The following PRKN variants were observed in gnomAD, a reference collection of about 807,000 sequenced individuals.
The protein encoded by PRKN is parkin RBR E3 ubiquitin protein ligase.
In PRKN, 56 loss-of-function variants were observed where a neutral mutation model predicts 59.5. The ratio of observed to expected loss-of-function variants is 0.94; its 90% CI spans 0.76 to 1.18. The LOEUF (loss-of-function observed/expected upper bound fraction) is 1.18. Among genes scored for constraint, PRKN ranks in the 50% most tolerant of loss-of-function variants. The probability of loss-of-function intolerance (pLI) is 0.00; values close to 1 mark genes in which losing one functional copy is unlikely to be tolerated. For missense variants in PRKN, 657 were observed against 596.4 expected (o/e 1.10, Z -1.06); for synonymous variants, 250 against 222.1 (o/e 1.13, Z -1.12).
intron 2 of PRKN, among the ~76,000 whole-genome samples, chr6:162,429,275 T>C (rs1273684767): frequency 6.6e-6 from 1 of 152,156 alleles, no homozygotes; most frequent in Non-Finnish European, 1.5e-5. Context: ...GGCTTTTATC[T>C]TCATGGCACT....
intron 6 of PRKN, among the ~76,000 whole-genome samples, chr6:161,957,047 A>G (rs1032498943): frequency 4.6e-5 from 7 of 152,220 alleles, no homozygotes; most frequent in Non-Finnish European, 7.3e-5. Context: ...ACCAGCCATC[A>G]TCACTCAAGT....
intron 2 of PRKN, among the ~76,000 whole-genome samples, chr6:162,330,944 G>C (rs1439203050): frequency 1.3e-5 from 2 of 152,062 alleles, no homozygotes; most frequent in Non-Finnish European, 2.9e-5. Context: ...AGACCCCAGG[G>C]GTCCTTCACT....
intron 2 of PRKN, among the ~76,000 whole-genome samples, chr6:162,312,959 G>GA (rs1358922581): frequency 6.6e-6 from 1 of 151,876 alleles, no homozygotes; most frequent in African/African-American, 2.4e-5. Context: ...ATAATTTGAA[G>GA]GATTTTCTTT....
intron 4 of PRKN, 84 bp downstream of exon 4, chr6:162,201,047 T>C (rs928910263): frequency 5.0e-6 from 7 of 1,400,946 alleles, no homozygotes; most frequent in Admixed American, 1.7e-5. Context: ...AGACGGGTGA[T>C]ACATCATTAG....
intron 6 of PRKN, among the ~76,000 whole-genome samples, chr6:161,814,791 C>G (rs1231250871): frequency 6.6e-6 from 1 of 152,126 alleles, no homozygotes; most frequent in South Asian, 2.1e-4. Flanking sequence ...CATGAGTAAC[C>G]GCGCCCAGCC....
intron 1 of PRKN, among the ~76,000 whole-genome samples, chr6:162,553,447 G>A (rs754133599): frequency 1.3e-5 from 2 of 150,110 alleles, no homozygotes; most frequent in African/African-American, 2.5e-5. Flanking sequence ...GAGAGTGGGA[G>A]CTCATACCTC....
intron 7 of PRKN, among the ~76,000 whole-genome samples, chr6:161,702,843 A>G (rs888199123): frequency 2.0e-5 from 3 of 152,220 alleles, no homozygotes; most frequent in Non-Finnish European, 4.4e-5. Context: ...GCCTGATACC[A>G]AAAGCATGAG....
chr6:161,373,472 GA>G lies in PRKN; in HGVS notation c.1168-13268del, dbSNP rs1785523280. On this transcript the variant is annotated intron_variant, in intron 10 of 11. Transcript: ENST00000366898. The surrounding 1 kb of genome is among the most constrained non-coding windows in gnomAD (Gnocchi z 4.8). ...GAAAGAAGGTAAATGCAACCCTGGA[GA>G]ACAGCAGTGCTGAGCCTAAATGGGC... 6.6e-6 allele frequency among the ~76,000 whole-genome samples: 1 copy of G among 152,150 alleles called. No individual in the cohort carries two copies. The highest frequency in any genetic ancestry group is 2.4e-5 in the African/African-American group (1 of 41,426).
At chr6:161,647,341 G>A (rs1040319797) in intron 7 of PRKN, among the ~76,000 whole-genome samples, 16 of 152,218 alleles carry the variant, frequency 1.1e-4, no homozygotes, top group African/African-American at 3.9e-4. Context: ...ATAGCATCTC[G>A]TCGACAGGCG....
chr6:162,031,538 C>CTTTTTT (rs57437847), intron 5 of PRKN, among the ~76,000 whole-genome samples: 1 of 141,218 alleles, frequency 7.1e-6, no homozygotes, highest in African/African-American at 2.6e-5. Context: ...TTTTCTTTTT[C>CTTTTTT]TTTTTTTTTT....
chr6:162,285,461 T>C (rs555584454), intron 2 of PRKN, among the ~76,000 whole-genome samples: 1 of 152,042 alleles, frequency 6.6e-6, no homozygotes, highest in African/African-American at 2.4e-5. Context: ...AAATGTAGGA[T>C]GACATGGGGT....
intron 7 of PRKN, among the ~76,000 whole-genome samples, chr6:161,768,296 GTAT>G (rs1347430146): frequency 6.6e-6 from 1 of 152,158 alleles, no homozygotes; most frequent in Non-Finnish European, 1.5e-5. Context: ...TAGTAGGAAA[GTAT>G]TATTTTGTGA....
intron 2 of PRKN, among the ~76,000 whole-genome samples, chr6:162,414,042 G>T (rs1343933547): frequency 2.6e-5 from 4 of 152,132 alleles, no homozygotes; most frequent in African/African-American, 9.7e-5. Flanking sequence ...AATCAGCCAG[G>T]TGTAGTGGCA....
In PRKN at chr6:162,077,560, T is replaced by C. The variant is rs147092493; in HGVS notation, c.535-23386A>G. Among the ~76,000 whole-genome samples, 535 of 152,184 alleles carry C rather than the reference T, an allele frequency of 3.5e-3. 6 individuals are homozygous for C. Among genetic ancestry groups the C allele is most frequent in the African/African-American group, 0.012 (505 of 41,454 alleles). On this transcript the variant is annotated intron_variant, in intron 4 of 11. Transcript: ENST00000366898. ...TCTCTTATAAATTGCTTGTGATTAT[T>C]AGCTGAGTATTCTTTCAAAATAGCC...
At chr6:162,089,201 G>T (rs1307933387) in intron 4 of PRKN, among the ~76,000 whole-genome samples, 1 of 152,030 alleles carries the variant, frequency 6.6e-6, no homozygotes, top group East Asian at 1.9e-4. Context: ...AACTTAACAA[G>T]GAGAAGACAA....
chr6:162,560,288 C>T (rs2128206026), intron 1 of PRKN, among the ~76,000 whole-genome samples: 1 of 152,242 alleles, frequency 6.6e-6, no homozygotes, highest in African/African-American at 2.4e-5. Context: ...AATACACATG[C>T]TTTATGCTTA....
intron 1 of PRKN, among the ~76,000 whole-genome samples, chr6:162,710,374 A>AACACACAAACACACAC (rs1778487092): frequency 8.0e-6 from 1 of 125,242 alleles, no homozygotes; most frequent in Non-Finnish European, 1.6e-5. Flanking sequence ...ACCCCCTACA[A>AACACACAAACACACAC]ACACACACAC....
chr6:162,292,276 T>C (rs1011180635), intron 2 of PRKN, among the ~76,000 whole-genome samples: 2 of 152,164 alleles, frequency 1.3e-5, no homozygotes, highest in Admixed American at 6.6e-5. Context: ...TTCCAAGTTA[T>C]TCTGTCATTT....
chr6:162,319,412 T>C (rs752568409), intron 2 of PRKN, among the ~76,000 whole-genome samples: 2 of 151,950 alleles, frequency 1.3e-5, no homozygotes, highest in Non-Finnish European at 2.9e-5. Context: ...CTGCAGTTGA[T>C]TAAAGATGAA....
Sources: gnomAD v4.1 joint callset for allele counts (sites outside exome capture counted in the v4.1 genomes callset) on GRCh38, gnomAD v4.1.1 for gene constraint, Gnocchi (gnomAD v3.1) non-coding constraint, MANE v1.5 for transcripts, NCBI Gene and HGNC (gene_info 2026-07-23, HGNC 2026-07-21) for gene names.